The following POFUT3 variants were observed in gnomAD, a reference collection of about 807,000 sequenced individuals.
POFUT3 encodes GDP-fucose protein O-fucosyltransferase 3.
At chr8:33,309,167 AATATATATATATATAT>A in the POFUT3 span, among the ~76,000 whole-genome samples, 1 of 53,690 alleles carries the variant, frequency 1.9e-5, no homozygotes, top group Non-Finnish European at 3.1e-5. Context: ...AAAAAAAAAA[AATATATATATATATAT>A]ATATATATAT....
At chr8:33,442,039 T>C in the POFUT3 span, among the ~76,000 whole-genome samples, 6 of 152,040 alleles carry the variant, frequency 3.9e-5, no homozygotes, top group Non-Finnish European at 8.8e-5. Flanking sequence ...AACCTCCGCC[T>C]CCTGGATTCA....
At chr8:33,439,091 A>G in the POFUT3 span, among the ~76,000 whole-genome samples, 1 of 152,166 alleles carries the variant, frequency 6.6e-6, no homozygotes, top group Non-Finnish European at 1.5e-5. Flanking sequence ...GGACACCATC[A>G]TTTCCACTTA....
At chr8:33,419,366 T>C in the POFUT3 span, among the ~76,000 whole-genome samples, 3 of 152,210 alleles carry the variant, frequency 2.0e-5, no homozygotes, top group African/African-American at 7.2e-5. Context: ...GGTTTTAAGA[T>C]AAAACTGTTC....
At chr8:33,416,843 A>G in the POFUT3 span, among the ~76,000 whole-genome samples, 1 of 151,690 alleles carries the variant, frequency 6.6e-6, no homozygotes, top group Non-Finnish European at 1.5e-5. Context: ...AAAAAAAAAA[A>G]AAAAAAAGAA....
the POFUT3 span, among the ~76,000 whole-genome samples, chr8:33,393,919 A>T: frequency 6.6e-6 from 1 of 152,220 alleles, no homozygotes; most frequent in African/African-American, 2.4e-5. Flanking sequence ...AATCTCTACC[A>T]TAAAACTGTT....
At chr8:33,310,143 C>CA in the POFUT3 span, among the ~76,000 whole-genome samples, 6 of 152,114 alleles carry the variant, frequency 3.9e-5, no homozygotes, top group South Asian at 2.1e-4. Context: ...CTATCTTTGA[C>CA]AAACAGAATC....
chr8:33,447,196 T>C, the POFUT3 span, among the ~76,000 whole-genome samples: 2 of 152,124 alleles, frequency 1.3e-5, no homozygotes, highest in African/African-American at 4.8e-5. Flanking sequence ...AGCCTGTTAA[T>C]CCCAGCACTT....
At chr8:33,308,711 G>A in the POFUT3 span, among the ~76,000 whole-genome samples, 3 of 152,052 alleles carry the variant, frequency 2.0e-5, no homozygotes, top group Admixed American at 6.6e-5. Flanking sequence ...AAAAACAATA[G>A]ACAGTTGCAA....
the POFUT3 span, among the ~76,000 whole-genome samples, chr8:33,348,814 G>A: frequency 7.2e-4 from 109 of 152,322 alleles, no homozygotes; most frequent in African/African-American, 2.5e-3. Context: ...GCAGAGCACA[G>A]GGGCACATGA....
chr8:33,338,069 C>T, the POFUT3 span, among the ~76,000 whole-genome samples: 1 of 152,138 alleles, frequency 6.6e-6, no homozygotes, highest in South Asian at 2.1e-4. Flanking sequence ...CTAATCTCTT[C>T]TTATAAAGAC....
At chr8:33,379,038 C>T in the POFUT3 span, among the ~76,000 whole-genome samples, 3 of 152,108 alleles carry the variant, frequency 2.0e-5, no homozygotes, top group East Asian at 5.8e-4. Context: ...TGAGTTCTCA[C>T]GAGATCTGAT....
At chr8:33,421,431 A>T in the POFUT3 span, among the ~76,000 whole-genome samples, 2 of 152,154 alleles carry the variant, frequency 1.3e-5, no homozygotes, top group Non-Finnish European at 1.5e-5. Flanking sequence ...TCCTATTAGG[A>T]TATGACCTAC....
the POFUT3 span, among the ~76,000 whole-genome samples, chr8:33,310,852 T>C: frequency 2.0e-5 from 3 of 152,226 alleles, no homozygotes; most frequent in Non-Finnish European, 4.4e-5. Flanking sequence ...AGGCAAGAAA[T>C]TGAAACTCAG....
chr8:33,330,203 T>C, the POFUT3 span, among the ~76,000 whole-genome samples: 4 of 152,122 alleles, frequency 2.6e-5, no homozygotes, highest in African/African-American at 9.7e-5. Flanking sequence ...CCCAGCACTT[T>C]GGGAGGCTGA....
At chr8:33,418,262 TAGCAC>T in the POFUT3 span, among the ~76,000 whole-genome samples, 1 of 152,116 alleles carries the variant, frequency 6.6e-6, no homozygotes, top group Admixed American at 6.5e-5. Context: ...CGCTGAACCA[TAGCAC>T]AGCCTCCACG....
At chr8:33,454,027 T>C in the POFUT3 span, among the ~76,000 whole-genome samples, 1 of 152,140 alleles carries the variant, frequency 6.6e-6, no homozygotes, top group African/African-American at 2.4e-5. Flanking sequence ...CTCAGGAGGC[T>C]GAGGCAGAAG....
chr8:33,370,162 T>C, the POFUT3 span, among the ~76,000 whole-genome samples: 1 of 90,410 alleles, frequency 1.1e-5, no homozygotes, highest in Non-Finnish European at 2.0e-5. Context: ...TGAAACCCCA[T>C]CTTTACTAAA....
At chr8:33,364,135 T>A in the POFUT3 span, among the ~76,000 whole-genome samples, 2 of 152,122 alleles carry the variant, frequency 1.3e-5, no homozygotes, top group African/African-American at 2.4e-5. Context: ...TCAATAAACA[T>A]AATCCATCAC....
At chr8:33,425,500 GA>G in the POFUT3 span, among the ~76,000 whole-genome samples, 1 of 152,120 alleles carries the variant, frequency 6.6e-6, no homozygotes, top group Admixed American at 6.6e-5. Flanking sequence ...AAAAAGTCCA[GA>G]GGGGGAAGCA....
Sources: gnomAD v4.1 joint callset for allele counts (sites outside exome capture counted in the v4.1 genomes callset) on GRCh38, gnomAD v4.1.1 for gene constraint, MANE v1.5 for transcripts, NCBI Gene and HGNC (gene_info 2026-07-23, HGNC 2026-07-21) for gene names.